The following DGKI variants were observed in gnomAD, a reference collection of about 807,000 sequenced individuals.
DGKI encodes DAG kinase iota.
DGKI carries 55 observed loss-of-function variants against 147.5 expected under a neutral mutation model. The observed-to-expected ratio is 0.37, with a 90% CI of 0.30 to 0.47. The LOEUF is 0.47. Among genes scored for constraint, DGKI ranks in the 20% least tolerant of loss-of-function variants. The pLI is 1.00. For missense variants in DGKI, 1,007 were observed against 1,323.8 expected (o/e 0.76, Z 3.71); for synonymous variants, 469 against 477.1 (o/e 0.98, Z 0.22).
chr7:137,798,368 C>A (rs1797097449), intron 1 of DGKI, among the ~76,000 whole-genome samples: 1 of 151,964 alleles, frequency 6.6e-6, no homozygotes, highest in South Asian at 2.1e-4. Context: ...GATCTTAAAA[C>A]CCAACCAAAG....
chr7:137,715,079 AC>A (rs1173471607), intron 1 of DGKI, among the ~76,000 whole-genome samples: 4 of 151,960 alleles, frequency 2.6e-5, no homozygotes, highest in African/African-American at 9.7e-5. Flanking sequence ...TAATATAATC[AC>A]CCCTCTCTGT....
At chr7:137,554,085 T>C (rs927426443) in intron 19 of DGKI, among the ~76,000 whole-genome samples, 1 of 152,222 alleles carries the variant, frequency 6.6e-6, no homozygotes, top group Non-Finnish European at 1.5e-5. Flanking sequence ...AGTTAATAAC[T>C]GTCAATGCCG....
chr7:137,705,260 T>A (rs1161907345), intron 1 of DGKI, among the ~76,000 whole-genome samples: 4 of 151,900 alleles, frequency 2.6e-5, no homozygotes, highest in Non-Finnish European at 4.4e-5. Context: ...ATATAAAAAA[T>A]TATATATAAA....
intron 6 of DGKI, among the ~76,000 whole-genome samples, chr7:137,630,475 C>T (rs1029446415): frequency 6.6e-6 from 1 of 152,142 alleles, no homozygotes; most frequent in Non-Finnish European, 1.5e-5. Flanking sequence ...ATTTAAGGCA[C>T]AAGATTCTCA....
At chr7:137,701,472 T>C (rs923711087) in intron 1 of DGKI, among the ~76,000 whole-genome samples, 5 of 152,290 alleles carry the variant, frequency 3.3e-5, no homozygotes, top group African/African-American at 1.2e-4. Flanking sequence ...AAAAATCAAC[T>C]CATTCTACAG....
Position 137,557,545 on chromosome 7 carries a change from C to T in DGKI, c.1948-4977G>A, listed in dbSNP as rs114866900. On this transcript the variant is annotated intron_variant, in intron 19 of 32. Transcript: ENST00000614521. Reference sequence around the variant, plus strand: ...AAAATAAAATCAGTATTCTACCTCACGTCATACACAAAGGAACAAGAAATA... The same window carrying T: ...AAAATAAAATCAGTATTCTACCTCATGTCATACACAAAGGAACAAGAAATA... Among the ~76,000 whole-genome samples the T allele has an allele frequency of 6.0e-3, 907 of 152,272 alleles. 6 individuals carry two copies. The highest frequency in any genetic ancestry group is 0.021 in the African/African-American group (859 of 41,552).
intron 21 of DGKI, among the ~76,000 whole-genome samples, chr7:137,497,193 G>A (rs1412949763): frequency 6.6e-6 from 1 of 150,644 alleles, no homozygotes; most frequent in African/African-American, 2.4e-5. Flanking sequence ...AGAAAAAAAA[G>A]TTCAACATCA....
chr7:137,500,763 G>C (rs565976528), intron 21 of DGKI, among the ~76,000 whole-genome samples: 2 of 151,946 alleles, frequency 1.3e-5, no homozygotes, highest in African/African-American at 2.4e-5. Flanking sequence ...AATTTTACAC[G>C]TTTATGGGGT....
intron 24 of DGKI, among the ~76,000 whole-genome samples, chr7:137,467,991 GAA>G (rs58319577): frequency 0.024 from 2,075 of 84,718 alleles, 47 homozygotes; most frequent in African/African-American, 0.079. Context: ...TCTCAAAAAA[GAA>G]AAAAAAAAAA....
intron 1 of DGKI, among the ~76,000 whole-genome samples, chr7:137,739,703 T>G (rs2116700968): frequency 6.6e-6 from 1 of 152,244 alleles, no homozygotes; most frequent in East Asian, 1.9e-4. Flanking sequence ...ATGTAAAAAG[T>G]GCTACACGCA....
At chr7:137,545,444 T>C (rs545002233) in intron 20 of DGKI, among the ~76,000 whole-genome samples, 32 of 152,256 alleles carry the variant, frequency 2.1e-4, no homozygotes, top group East Asian at 3.9e-4. Context: ...TTTGGGGTCA[T>C]TGAACTTTTA....
intron 6 of DGKI, among the ~76,000 whole-genome samples, chr7:137,625,353 G>C (rs979595468): frequency 6.6e-6 from 1 of 152,180 alleles, no homozygotes; most frequent in African/African-American, 2.4e-5. Context: ...CCAGCTACTC[G>C]GGAGGCTGAG....
rs180756084 is a variant in DGKI at position 137,795,345 on chromosome 7, G to A, written c.401+51117C>T. Among the ~76,000 whole-genome samples the A allele has an allele frequency of 1.7e-4, 26 of 152,234 alleles. 1 individual carries two copies. The highest frequency in any genetic ancestry group is 5.1e-4 in the African/African-American group (21 of 41,528). On this transcript the variant is annotated intron_variant, in intron 1 of 32. Coordinates refer to ENST00000614521, the MANE Select transcript of DGKI (RefSeq NM_001321708.2). ...GAGAGAGCAGAATAGGTTTGGATCC[G>A]CCACAAAAGGCCCATCCTCAGAGAA...
At chr7:137,441,029 G>A (rs780993238) in intron 28 of DGKI, among the ~76,000 whole-genome samples, 4 of 152,136 alleles carry the variant, frequency 2.6e-5, no homozygotes, top group Admixed American at 6.5e-5. Context: ...TTTCAAGGGC[G>A]GAACATAATC....
chr7:137,487,972 G>A (rs1051857714), intron 21 of DGKI, among the ~76,000 whole-genome samples: 7 of 152,210 alleles, frequency 4.6e-5, no homozygotes, highest in South Asian at 2.1e-4. Context: ...GTGAATTGTC[G>A]CAGTAACGAT....
intron 1 of DGKI, among the ~76,000 whole-genome samples, chr7:137,806,093 T>A (rs1797355737): frequency 6.6e-6 from 1 of 152,206 alleles, no homozygotes; most frequent in Admixed American, 6.5e-5. Context: ...CTTTTTCCAC[T>A]CACCGTGCCC....
Position 137,454,173 on chromosome 7 carries a change from T to G in DGKI, c.2735+9316A>C, listed in dbSNP as rs567399934. Among the ~76,000 whole-genome samples the G allele has an allele frequency of 4.6e-5, 7 of 152,336 alleles. No individual in the cohort carries two copies. The South Asian group carries it at 1.5e-3, about 32-fold the overall frequency. ...TAACTGTGTGATGTAATGCATTCAT[T>G]GATCAGCCAGGTTTAGCCATTCAAC... On this transcript the variant is annotated intron_variant, in intron 27 of 32. Transcript: ENST00000614521.
At chr7:137,602,672 G>A (rs1283101361) in intron 10 of DGKI, among the ~76,000 whole-genome samples, 2 of 152,200 alleles carry the variant, frequency 1.3e-5, no homozygotes, top group South Asian at 2.1e-4. Flanking sequence ...TAACTTTAAA[G>A]CTTTAATAGA....
intron 7 of DGKI, among the ~76,000 whole-genome samples, 159 bp from the exon 8 acceptor site, chr7:137,620,099 T>C (rs1820694011): frequency 6.7e-6 from 1 of 149,042 alleles, no homozygotes; most frequent in African/African-American, 2.5e-5. Context: ...CATGCACACA[T>C]GGGCACACAC....
Sources: allele counts gnomAD v4.1 joint callset (sites outside exome capture counted in the v4.1 genomes callset), GRCh38; gene constraint gnomAD v4.1.1; transcripts MANE v1.5; gene names NCBI Gene and HGNC (gene_info 2026-07-23, HGNC 2026-07-21).